NDUFS1: variants seen among roughly 807,000 people sequenced by gnomAD.
The protein encoded by NDUFS1 is NADH:ubiquinone oxidoreductase core subunit S1.
In NDUFS1, 61 loss-of-function variants were observed where a neutral mutation model predicts 84.4. The observed-to-expected ratio is 0.72, with a 90% CI of 0.59 to 0.89. The LOEUF (loss-of-function observed/expected upper bound fraction) is 0.89. Among genes scored for constraint, NDUFS1 ranks in the 40% least tolerant of loss-of-function variants. The probability of loss-of-function intolerance (pLI) is 0.00; values close to 1 mark genes in which losing one functional copy is unlikely to be tolerated. For synonymous variants in NDUFS1, 275 were observed against 290.0 expected, an observed-to-expected ratio of 0.95 and a Z score of 0.53; for missense variants, 891 against 890.0, an observed-to-expected ratio of 1.00 and a Z score of -0.01.
At chr2:206,132,015 C>G (rs1691531227) in intron 14 of NDUFS1, among the ~76,000 whole-genome samples, 1 of 151,868 alleles carries the variant, frequency 6.6e-6, no homozygotes, top group South Asian at 2.1e-4. Context: ...TCCCAGCTTA[C>G]TTGGGAGGCT....
chr2:206,153,289 G>T (rs945686634), intron 2 of NDUFS1, among the ~76,000 whole-genome samples: 2 of 151,192 alleles, frequency 1.3e-5, no homozygotes, highest in South Asian at 2.1e-4. Context: ...TCCACCTCCC[G>T]GGTTTAAGCT....
intron 1 of NDUFS1, among the ~76,000 whole-genome samples, chr2:206,157,595 T>C (rs898773154): frequency 1.4e-4 from 22 of 152,336 alleles, no homozygotes; most frequent in African/African-American, 5.1e-4. Flanking sequence ...TTCATACAAT[T>C]TTAAAACTTT....
rs1559060943 is a variant in NDUFS1, at chr2:206,147,812, A to AT, written c.360dup (p.Leu121IlefsTer12). 6.2e-7 allele frequency: 1 copy of AT among 1,614,042 alleles called. No individual in the cohort carries two copies. ...GGACAGTCCAATGGGTGATTTGCTA[A>AT]TAAGAACTCCATCACACCTTCCCTG... is the stretch of plus-strand genomic sequence containing the variant. On this transcript the variant is annotated frameshift_variant, in exon 6 of 19. Transcript: ENST00000233190. LOFTEE classifies it high-confidence loss of function.
In NDUFS1 at chr2:206,116,514, C is replaced by T. The variant is rs987754007; in HGVS notation, c.*7671G>A. On this transcript the variant is annotated 3_prime_UTR_variant, in exon 19 of 19. Transcript: ENST00000233190. The stretch of plus-strand genomic sequence containing the variant: ...TCGCAGCGCCATGTTCCCAGGGGTG[C>T]GGGGATGGCAGCGCTACGCCTCAGC... 3.4e-6 allele frequency: 4 copies of T among 1,172,736 alleles called. No homozygotes were observed. The highest frequency in any genetic ancestry group is 2.6e-5 in the East Asian group (1 of 38,712). 72.6% of individuals were successfully genotyped at this position (1,172,736 alleles called of 1,614,324 possible).
chr2:206,152,829 C>T (rs758440190), intron 2 of NDUFS1, among the ~76,000 whole-genome samples: 34 of 151,508 alleles, frequency 2.2e-4, no homozygotes, highest in South Asian at 1.5e-3. Flanking sequence ...CTCAGCCTTC[C>T]GAGTAGCTGG....
At chr2:206,124,398 T>C (rs1691202979) in intron 18 of NDUFS1, 122 bp from the exon 19 acceptor site, 2 of 731,122 alleles carry the variant, frequency 2.7e-6, no homozygotes, top group South Asian at 1.5e-5. Flanking sequence ...CAAGTATATA[T>C]AATTATATGT....
At position 206,116,286 on chromosome 2, in the gene NDUFS1, A is replaced by C. The variant is rs1469322587; in HGVS notation, c.*7899T>G. On this transcript the variant is annotated 3_prime_UTR_variant, in exon 19 of 19. Transcript: ENST00000233190. ...TTAATTTCGGTTACTTCTCCTGATAAAGGAGAATAGAGTTCACTAGCAGCT... is the reference window on the plus strand; with the variant it reads ...TTAATTTCGGTTACTTCTCCTGATACAGGAGAATAGAGTTCACTAGCAGCT... 1.4e-5 allele frequency: 13 copies of C among 951,562 alleles called. No individual in the cohort carries two copies. In the Admixed American group the frequency reaches 1.7e-4, roughly 12 times the overall value. The allele number at this position is 951,562 out of a possible 1,614,324, so 58.9% of individuals were successfully genotyped here. A position where few individuals can be genotyped will look rare whatever the true frequency, so the allele number is the denominator to read the frequency against.
At chr2:206,152,006 C>G (rs1417436358) in intron 3 of NDUFS1, among the ~76,000 whole-genome samples, 1 of 152,166 alleles carries the variant, frequency 6.6e-6, no homozygotes, top group South Asian at 2.1e-4. Flanking sequence ...GCTGGGATTA[C>G]AGGTGCGCGC....
rs140861420 is a variant in NDUFS1, at chr2:206,137,456, G to A, written c.1392+1029C>T. Among the ~76,000 whole-genome samples the A allele has an allele frequency of 1.3e-3, 197 of 151,636 alleles. 9 individuals carry two copies. The East Asian group carries it at 0.035, about 27-fold the overall frequency. On this transcript the variant is annotated intron_variant, in intron 13 of 18. Transcript: ENST00000233190. ...TGCACTCCAGCCTGGGTGACAGAGC[G>A]AGACTTCGTCTCCCCGCCAAGGAAA...
chr2:206,148,255 G>A (rs930890132), intron 5 of NDUFS1, among the ~76,000 whole-genome samples: 1 of 152,038 alleles, frequency 6.6e-6, no homozygotes, highest in Non-Finnish European at 1.5e-5. Flanking sequence ...AACCTTCATA[G>A]ATGTATATTT....
rs761185020 is a variant in NDUFS1, at chr2:206,132,985, C to G, written c.1513G>C (p.Gly505Arg). ...ATAACTTTCCAATCACCAGTAACAC[C>G]ACTAGTCATCCGAATCTTTTGTGCA... ...SIAQKIRMTSGVTGDWKVMNI... is the reference protein window; with the variant it reads ...SIAQKIRMTSRVTGDWKVMNI... The change falls in exon 14 of 19, where the codon GGT (glycine) becomes CGT (arginine). Residue 505 changes from glycine (G) to arginine (R), a missense_variant. Physicochemically the swap from Gly to Arg is moderately radical, Grantham distance 125. Transcript: ENST00000233190. 2 of 1,613,848 alleles carry G rather than the reference C, an allele frequency of 1.2e-6. No individual in the cohort carries two copies. Among genetic ancestry groups the G allele is most frequent in the South Asian group, 1.1e-5 (1 of 91,050 alleles).
intron 10 of NDUFS1, 80 bp from the exon 11 acceptor site, chr2:206,142,911 G>T: frequency 6.4e-7 from 1 of 1,554,156 alleles, no homozygotes; most frequent in Non-Finnish European, 8.7e-7. Flanking sequence ...AAATAAAACA[G>T]TACTTGTTTT....
intron 14 of NDUFS1, among the ~76,000 whole-genome samples, chr2:206,130,503 T>C (rs1691471783): frequency 6.6e-6 from 1 of 152,118 alleles, no homozygotes; most frequent in South Asian, 2.1e-4. Context: ...TACAGGCACA[T>C]GCCACCACAC....
intron 8 of NDUFS1, among the ~76,000 whole-genome samples, chr2:206,145,836 G>A (rs1266697314): frequency 6.6e-6 from 1 of 152,156 alleles, no homozygotes; most frequent in Admixed American, 6.5e-5. Flanking sequence ...TGGAGCACGA[G>A]GCAAACTTGT....
At chr2:206,159,114 G>A (rs886938221) in intron 1 of NDUFS1, 59 of 1,535,674 alleles carry the variant, frequency 3.8e-5, no homozygotes, top group Middle Eastern at 1.7e-4. Context: ...CAGCGTTCCC[G>A]AGGACCCCCT....
rs1692104851 is a variant in NDUFS1 at position 206,145,001 on chromosome 2, C to T, written c.763G>A (p.Asp255Asn). Residue 255 changes from aspartate (D) to asparagine (N), a missense_variant, in exon 9 of 19, where the codon GAT becomes AAT. Asp to Asn is a conservative substitution (Grantham distance 23). Coordinates refer to ENST00000233190, the MANE Select transcript of NDUFS1 (RefSeq NM_005006.7). ...ACCACAATATTACTTCCAACCGCAT[C>T]CATTACATCAATGGATTCTGTCTTT... ...TRKTESIDVM[D>N]AVGSNIVVST... is the part of the protein sequence containing the mutation. 10 of 1,614,006 alleles carry T rather than the reference C, an allele frequency of 6.2e-6. No homozygotes were observed. The highest frequency in any genetic ancestry group is 7.6e-6 in the Non-Finnish European group (9 of 1,179,958).
rs776970847 is a variant in NDUFS1 at position 206,142,686 on chromosome 2, C to A, written c.1133G>T (p.Gly378Val). The change falls in exon 11 of 19, where the codon GGC (glycine) becomes GTC (valine). Residue 378 changes from glycine to valine, a missense_variant and splice_region_variant. Gly to Val is a moderately radical substitution (Grantham distance 109, BLOSUM62 -3). Coordinates refer to ENST00000233190, the MANE Select transcript of NDUFS1 (RefSeq NM_005006.7). ...TAGATCCTAGCTTCATATTTCTCAC[C>A]CAGCTCCTGCAGTGGGGAAGACCTC... ...TEEVFPTAGA[G>V]TDLRSNYLLN... The A allele has an allele frequency of 1.2e-6, 2 of 1,614,084 alleles. No individual in the cohort carries two copies. Among genetic ancestry groups the A allele is most frequent in the African/African-American group, 1.3e-5 (1 of 75,014 alleles).
In NDUFS1 at chr2:206,140,918, G is replaced by GTA. The variant is rs200464072; in HGVS notation, c.1262+1022_1262+1023insTA. Among the ~76,000 whole-genome samples, 904 of 93,228 alleles carry GTA rather than the reference G, an allele frequency of 9.7e-3. 9 individuals are homozygous for GTA. The highest frequency in any genetic ancestry group is 0.019 in the African/African-American group (421 of 22,414). 61.2% of individuals were successfully genotyped at this position (93,228 alleles called of 152,430 possible). A position where few individuals can be genotyped will look rare whatever the true frequency, so the allele number is the denominator to read the frequency against. On this transcript the variant is annotated intron_variant, in intron 12 of 18. Coordinates refer to ENST00000233190, the MANE Select transcript of NDUFS1 (RefSeq NM_005006.7). ...AGATTCACACACACATATATATGTAGTGTGTATATATATATATATATATAT... is the reference window on the plus strand; with the variant it reads ...AGATTCACACACACATATATATGTAGTATGTGTATATATATATATATATATAT...
At chr2:206,125,317 C>T (rs1183569678) in intron 18 of NDUFS1, among the ~76,000 whole-genome samples, 2 of 151,998 alleles carry the variant, frequency 1.3e-5, no homozygotes, top group Non-Finnish European at 2.9e-5. Context: ...CAAAAATTAG[C>T]TGGATGTGGT....
Sources: gnomAD v4.1 joint callset for allele counts (sites outside exome capture counted in the v4.1 genomes callset) on GRCh38, gnomAD v4.1.1 for gene constraint, MANE v1.5 for transcripts, NCBI Gene and HGNC (gene_info 2026-07-23, HGNC 2026-07-21) for gene names.